The following MYO18B variants were observed in gnomAD, a reference collection of about 807,000 sequenced individuals.
MYO18B encodes unconventional myosin-XVIIIb.
Under a neutral mutation model 273.0 loss-of-function variants are expected in MYO18B, and 204 were observed. The observed-to-expected ratio is 0.75, with a 90% CI of 0.67 to 0.84. The LOEUF is 0.84. Ranked by LOEUF, MYO18B falls within the 40% of genes least tolerant of loss-of-function variation. The pLI is 0.00. For synonymous variants in MYO18B, 1,330 were observed against 1,305.7 expected, an observed-to-expected ratio of 1.02 and a Z score of -0.40; for missense variants, 3,212 against 3,287.6, an observed-to-expected ratio of 0.98 and a Z score of 0.56.
chr22:25,877,733 G>T (rs2091238865), intron 24 of MYO18B, among the ~76,000 whole-genome samples: 1 of 152,154 alleles, frequency 6.6e-6, no homozygotes, highest in Non-Finnish European at 1.5e-5. Flanking sequence ...CTCCCAAAGT[G>T]CTGGGATTAC....
intron 34 of MYO18B, among the ~76,000 whole-genome samples, chr22:25,931,357 C>G (rs1898070504): frequency 1.3e-5 from 2 of 152,230 alleles, no homozygotes; most frequent in African/African-American, 4.8e-5. Context: ...GGACCTGTTA[C>G]CATTTAGTCA....
chr22:25,866,696 G>A (rs781124234), intron 21 of MYO18B, among the ~76,000 whole-genome samples: 9 of 151,050 alleles, frequency 6.0e-5, no homozygotes, highest in East Asian at 1.9e-4. Flanking sequence ...AAAATTAGCC[G>A]GGCGTGGTGG....
At chr22:25,790,152 CA>C (rs762960166) in intron 11 of MYO18B, among the ~76,000 whole-genome samples, 512 of 8,764 alleles carry the variant, frequency 0.058, 2 homozygotes, top group African/African-American at 0.11. Flanking sequence ...GACTCCGTCT[CA>C]AAAAAAAACA....
intron 1 of MYO18B, among the ~76,000 whole-genome samples, chr22:25,757,415 A>G (rs1379926562): frequency 6.6e-6 from 1 of 151,706 alleles, no homozygotes; most frequent in Non-Finnish European, 1.5e-5. Flanking sequence ...GGCCAACATG[A>G]CGAAACCCCA....
chr22:25,780,229 C>A, intron 9 of MYO18B, 31 bp downstream of exon 9: 1 of 1,583,318 alleles, frequency 6.3e-7, no homozygotes. Flanking sequence ...TGCAAGGGGG[C>A]CCTTGGGGCT....
chr22:25,768,595 G>C lies in MYO18B; in HGVS notation c.679G>C (p.Gly227Arg). The stretch of plus-strand genomic sequence containing the variant: ...TGGGGGTCTTGGGGACCCAGGCCAA[G>C]GAACTGTGGCACTGAAAAAAGGCGA... ...RTGGLGDPGQ[G>R]TVALKKGEEG... Residue 227 changes from glycine (G) to arginine (R), a missense_variant, in exon 4 of 44, where the codon GGA becomes CGA. Gly to Arg is a moderately radical substitution (Grantham distance 125). Coordinates refer to ENST00000335473, the MANE Select transcript of MYO18B (RefSeq NM_032608.7). 6.5e-7 allele frequency: 1 copy of C among 1,528,328 alleles called. No homozygotes were observed. Among genetic ancestry groups the C allele is most frequent in the Non-Finnish European group, 8.8e-7 (1 of 1,142,792 alleles). 94.7% of individuals were successfully genotyped at this position (1,528,328 alleles called of 1,614,324 possible). A position where few individuals can be genotyped will look rare whatever the true frequency, so the allele number is the denominator to read the frequency against.
intron 40 of MYO18B, among the ~76,000 whole-genome samples, chr22:25,997,954 C>CAA (rs1555984980): frequency 6.3e-4 from 86 of 137,082 alleles, no homozygotes; most frequent in African/African-American, 2.4e-3. Context: ...CACACACACA[C>CAA]ACAAACACAC....
At chr22:25,853,884 G>A (rs1466326040) in intron 21 of MYO18B, among the ~76,000 whole-genome samples, 1 of 151,992 alleles carries the variant, frequency 6.6e-6, no homozygotes, top group Non-Finnish European at 1.5e-5. Context: ...TAGAATTTTG[G>A]TAGCAACGAA....
At chr22:26,028,882 C>T (rs1161294163) in intron 43 of MYO18B, among the ~76,000 whole-genome samples, 14 of 115,222 alleles carry the variant, frequency 1.2e-4, no homozygotes, top group African/African-American at 3.7e-4. Flanking sequence ...AGCGAGACTC[C>T]GTCTCAAAAA....
intron 29 of MYO18B, chr22:25,901,261 G>A (rs1340573059): frequency 6.6e-6 from 1 of 152,194 alleles, no homozygotes; most frequent in Non-Finnish European, 1.5e-5. Context: ...TGCCACCAAA[G>A]GCCAAACCCC....
At chr22:25,825,848 T>C (rs560430692) in intron 13 of MYO18B, among the ~76,000 whole-genome samples, 67 of 152,286 alleles carry the variant, frequency 4.4e-4, no homozygotes, top group African/African-American at 1.5e-3. Context: ...AATTATTAGG[T>C]CCCAGTATAC....
Position 25,768,152 on chromosome 22 carries a change from C to A in MYO18B, c.236C>A (p.Ser79Tyr). 6.2e-7 allele frequency: 1 copy of A among 1,610,392 alleles called. No individual in the cohort carries two copies. Among genetic ancestry groups the A allele is most frequent in the East Asian group, 2.2e-5 (1 of 44,782 alleles). Residue 79 changes from serine (S) to tyrosine (Y), a missense_variant, in exon 4 of 44, where the codon TCC (serine) becomes TAC (tyrosine). Ser to Tyr is a moderately radical substitution (Grantham distance 144). Coordinates refer to ENST00000335473, the MANE Select transcript of MYO18B (RefSeq NM_032608.7). The part of the protein sequence containing the change: ...EISISQPNSK[S>Y]SSGTRSGSQQ... Reference sequence around the variant, plus strand: ...TCCATCAGCCAACCCAACAGCAAGTCCAGCAGTGGCACCAGATCTGGAAGC... The same window carrying A: ...TCCATCAGCCAACCCAACAGCAAGTACAGCAGTGGCACCAGATCTGGAAGC...
At chr22:25,952,548 C>A (rs1304784718) in intron 38 of MYO18B, 125 bp downstream of exon 38, 1 of 1,254,534 alleles carries the variant, frequency 8.0e-7, no homozygotes, top group African/African-American at 1.5e-5. Flanking sequence ...CATTACTCAT[C>A]CACTTCTCAC....
chr22:26,023,838 C>G lies in MYO18B; in HGVS notation c.6471-2607C>G, dbSNP rs554904750. Among the ~76,000 whole-genome samples, 11 of 152,318 alleles carry G rather than the reference C, an allele frequency of 7.2e-5. No homozygotes were observed. In the South Asian group the frequency reaches 2.1e-3, roughly 29 times the overall value. On this transcript the variant is annotated intron_variant, in intron 42 of 43. Transcript: ENST00000335473. ...TAAAAAGTAAGGAAGAAAAAAAATA[C>G]AGGCGTGTGAATGCCATCTTGCTGT...
intron 31 of MYO18B, among the ~76,000 whole-genome samples, chr22:25,904,363 C>T (rs1198197577): frequency 2.0e-5 from 3 of 152,150 alleles, no homozygotes; most frequent in Non-Finnish European, 4.4e-5. Flanking sequence ...TAAGCTCTCC[C>T]CACACATCTC....
chr22:25,794,239 C>G (rs774362305), intron 11 of MYO18B, among the ~76,000 whole-genome samples: 1 of 151,166 alleles, frequency 6.6e-6, no homozygotes, highest in Non-Finnish European at 1.5e-5. Context: ...GCCTTTCTCT[C>G]TCTTTCACCC....
Position 26,027,784 on chromosome 22 carries a change from A to G in MYO18B, c.*12+94A>G. 7.5e-7 allele frequency: 1 copy of G among 1,330,018 alleles called. No homozygotes were observed. 82.4% of individuals were successfully genotyped at this position (1,330,018 alleles called of 1,614,324 possible). A position where few individuals can be genotyped will look rare whatever the true frequency, so the allele number is the denominator to read the frequency against. ...GTGCCACTACTGTCCTTAATGCCAC[A>G]ACCGATTTCTCTAGAGACCAAGATT... On this transcript the variant is annotated intron_variant, in intron 43 of 43. Transcript: ENST00000335473. This position sits in a 1 kb window ranked among gnomAD's most constrained non-coding sequence, Gnocchi z 4.1.
At chr22:25,809,297 A>G (rs965557969) in intron 12 of MYO18B, among the ~76,000 whole-genome samples, 1 of 152,058 alleles carries the variant, frequency 6.6e-6, no homozygotes, top group African/African-American at 2.4e-5. Flanking sequence ...GTTGATGTGC[A>G]TCTCCCTGGA....
chr22:25,850,255 T>C (rs2859411), intron 20 of MYO18B, among the ~76,000 whole-genome samples: 121,847 of 151,894 alleles, frequency 0.8, 49,087 homozygotes, highest in East Asian at 0.88. Flanking sequence ...GGGGGTCTTT[T>C]TTAAGCAGTT....
Sources: allele counts gnomAD v4.1 joint callset (sites outside exome capture counted in the v4.1 genomes callset), GRCh38; gene constraint gnomAD v4.1.1; non-coding constraint Gnocchi (gnomAD v3.1); transcripts MANE v1.5; gene names NCBI Gene and HGNC (gene_info 2026-07-23, HGNC 2026-07-21).